Variants in IL1RAPL1 observed in about 807,000 individuals in gnomAD.
IL1RAPL1 encodes interleukin 1 receptor accessory protein like 1, also known as interleukin-1 receptor accessory protein-like 1.
A neutral mutation model predicts 48.4 loss-of-function variants in IL1RAPL1; 3 were observed. The observed-to-expected ratio is 0.06, with a 90% CI of 0.03 to 0.16. The LOEUF (loss-of-function observed/expected upper bound fraction) is 0.16. Among genes scored for constraint, IL1RAPL1 ranks in the 10% least tolerant of loss-of-function variants. IL1RAPL1 has a pLI of 1.00. For synonymous variants in IL1RAPL1, 185 were observed against 187.7 expected, an observed-to-expected ratio of 0.99 and a Z score of 0.12; for missense variants, 349 against 530.6, an observed-to-expected ratio of 0.66 and a Z score of 3.36.
At chrX:28,713,972 G>T (rs1179335681) in intron 1 of IL1RAPL1, among the ~76,000 whole-genome samples, 3 of 112,040 alleles carry the variant, frequency 2.7e-5, no homozygotes, top group African/African-American at 6.5e-5. Context: ...GACATGTCTT[G>T]TAAAGGTGAA....
At chrX:29,261,623 C>G (rs1189981201) in intron 2 of IL1RAPL1, among the ~76,000 whole-genome samples, 1 of 111,103 alleles carries the variant, frequency 9.0e-6, no homozygotes, top group Non-Finnish European at 1.9e-5. Context: ...ATAAAATCCA[C>G]CTTTTTAAAA....
intron 1 of IL1RAPL1, among the ~76,000 whole-genome samples, chrX:28,696,460 A>G (rs1482555859): frequency 9.0e-6 from 1 of 111,706 alleles, no homozygotes; most frequent in African/African-American, 3.2e-5. Context: ...AAATTTTAGC[A>G]TTTGATAGAG....
chrX:29,588,373 T>G (rs1257569943), intron 5 of IL1RAPL1, among the ~76,000 whole-genome samples: 6 of 112,026 alleles, frequency 5.4e-5, no homozygotes, highest in African/African-American at 1.9e-4. Flanking sequence ...ATGTTCACAT[T>G]TTTATGTAGT....
intron 5 of IL1RAPL1, among the ~76,000 whole-genome samples, chrX:29,440,457 A>T (rs972437892): frequency 9.0e-6 from 1 of 111,483 alleles, no homozygotes; most frequent in South Asian, 3.7e-4. Flanking sequence ...ATAAACACAG[A>T]CTATTGAGCA....
At chrX:29,943,233 A>AATT (rs1367227717) in intron 9 of IL1RAPL1, among the ~76,000 whole-genome samples, 2 of 111,511 alleles carry the variant, frequency 1.8e-5, no homozygotes, top group African/African-American at 6.5e-5. Context: ...TATTGATGCA[A>AATT]ATTATTATTA....
chrX:29,777,281 G>A (rs567960132), intron 6 of IL1RAPL1, among the ~76,000 whole-genome samples: 1 of 111,947 alleles, frequency 8.9e-6, no homozygotes, highest in African/African-American at 3.2e-5. Flanking sequence ...GCCATCTGTT[G>A]TTTAAAAACA....
chrX:29,778,149 C>T (rs967336408), intron 6 of IL1RAPL1, among the ~76,000 whole-genome samples: 6 of 111,219 alleles, frequency 5.4e-5, no homozygotes, highest in African/African-American at 2.0e-4. Context: ...TTACACATTT[C>T]GCTTAATCTA....
At chrX:29,660,954 A>G (rs943314664) in intron 5 of IL1RAPL1, among the ~76,000 whole-genome samples, 2 of 112,105 alleles carry the variant, frequency 1.8e-5, no homozygotes, top group Admixed American at 9.5e-5. Flanking sequence ...AATTCTTCCA[A>G]TGTATGATAT....
intron 4 of IL1RAPL1, 96 bp from the exon 5 acceptor site, chrX:29,399,059 A>G: frequency 1.5e-6 from 1 of 681,053 alleles, no homozygotes; most frequent in Non-Finnish European, 2.3e-6. Context: ...GTCCCTTTAA[A>G]ATGCAATTTT....
At chrX:29,785,247 A>T (rs903461665) in intron 6 of IL1RAPL1, among the ~76,000 whole-genome samples, 1 of 112,311 alleles carries the variant, frequency 8.9e-6, no homozygotes, top group African/African-American at 3.2e-5. Context: ...ACATGAAAAG[A>T]TGCTCAGCAC....
intron 2 of IL1RAPL1, among the ~76,000 whole-genome samples, chrX:28,975,431 T>C (rs1435975441): frequency 8.9e-6 from 1 of 112,438 alleles, no homozygotes; most frequent in African/African-American, 3.2e-5. Flanking sequence ...TGGGATTCCT[T>C]AGCTCTAGTA....
chrX:29,886,623 A>G (rs139739147), intron 6 of IL1RAPL1, among the ~76,000 whole-genome samples: 2 of 112,583 alleles, frequency 1.8e-5, no homozygotes, highest in African/African-American at 6.4e-5. Context: ...ACAATTGAAT[A>G]TGTTAAAGGC....
chrX:29,782,337 G>A (rs1929366320), intron 6 of IL1RAPL1, among the ~76,000 whole-genome samples: 1 of 111,610 alleles, frequency 9.0e-6, no homozygotes, highest in East Asian at 2.8e-4. Context: ...TCTTATGAGA[G>A]TAGAAAGCAA....
intron 1 of IL1RAPL1, among the ~76,000 whole-genome samples, chrX:28,626,957 T>G (rs189652240): frequency 1.5e-3 from 170 of 112,209 alleles, no homozygotes; most frequent in African/African-American, 5.3e-3. Flanking sequence ...ATCAGACTTT[T>G]GGCTATCCCT....
chrX:29,230,528 A>AAAAAAAAAAAAAC (rs748535251), intron 2 of IL1RAPL1, among the ~76,000 whole-genome samples: 3 of 99,106 alleles, frequency 3.0e-5, no homozygotes, highest in Non-Finnish European at 6.1e-5. Flanking sequence ...AAAAAAAAAA[A>AAAAAAAAAAAAAC]AAAAAAACCT....
At chrX:28,712,371 T>C (rs962344904) in intron 1 of IL1RAPL1, among the ~76,000 whole-genome samples, 1 of 110,369 alleles carries the variant, frequency 9.1e-6, no homozygotes, top group Non-Finnish European at 1.9e-5. Context: ...TTTTTTTTTT[T>C]CTCTCACTCC....
At chrX:29,056,570 A>C (rs781116580) in intron 2 of IL1RAPL1, among the ~76,000 whole-genome samples, 21 of 111,861 alleles carry the variant, frequency 1.9e-4, no homozygotes, top group Non-Finnish European at 4.0e-4. Flanking sequence ...ACTTCCACCA[A>C]ATTTTCTTCT....
At chrX:29,020,866 A>G (rs970981842) in intron 2 of IL1RAPL1, among the ~76,000 whole-genome samples, 4 of 112,271 alleles carry the variant, frequency 3.6e-5, no homozygotes, top group African/African-American at 6.5e-5. Context: ...CAATTTTCCT[A>G]TGAAACCAGA....
chrX:29,008,606 A>G (rs2147393360), intron 2 of IL1RAPL1, among the ~76,000 whole-genome samples: 1 of 112,557 alleles, frequency 8.9e-6, no homozygotes, highest in African/African-American at 3.2e-5. Context: ...TTTTCAATTA[A>G]AAGTACAGTT....
Sources: gnomAD v4.1 joint callset for allele counts (sites outside exome capture counted in the v4.1 genomes callset) on GRCh38, gnomAD v4.1.1 for gene constraint, MANE v1.5 for transcripts, NCBI Gene and HGNC (gene_info 2026-07-23, HGNC 2026-07-21) for gene names.